Variants in NALF1 observed in about 807,000 individuals in gnomAD.
The protein encoded by NALF1 is NALCN channel auxiliary factor 1.
In NALF1, 3 loss-of-function variants were observed where a neutral mutation model predicts 48.4. That is an observed-to-expected ratio of 0.06 (90% CI 0.03 to 0.16). The LOEUF (loss-of-function observed/expected upper bound fraction) is 0.16. NALF1 is among the 10% of genes least tolerant of loss of function. NALF1 has a pLI of 1.00. For missense variants in NALF1, 526 were observed against 571.5 expected (o/e 0.92, Z 0.81); for synonymous variants, 262 against 245.7 (o/e 1.07, Z -0.62).
At chr13:107,514,517 C>G (rs1274544982) in intron 1 of NALF1, among the ~76,000 whole-genome samples, 1 of 151,788 alleles carries the variant, frequency 6.6e-6, no homozygotes, top group Admixed American at 6.6e-5. Context: ...TTGAATGGGC[C>G]CAGGTTTGAA....
intron 1 of NALF1, among the ~76,000 whole-genome samples, chr13:107,276,838 A>G (rs1294682570): frequency 1.3e-5 from 2 of 152,180 alleles, no homozygotes; most frequent in Non-Finnish European, 2.9e-5. Flanking sequence ...TTGGAAAGCC[A>G]TATTTTTAAC....
chr13:107,599,421 C>CA (rs59715915), intron 1 of NALF1, among the ~76,000 whole-genome samples: 55,807 of 121,480 alleles, frequency 0.46, 11,996 homozygotes, highest in Admixed American at 0.5. Flanking sequence ...GACTCCGTCT[C>CA]AAAAAAAAAA....
rs551764635 is a variant in NALF1 at position 107,806,358 on chromosome 13, C to A, written c.915+59324G>T. ...TAAAAGACGGAAATGTTAAAACATT[C>A]TAGATCAAATTAAAGAAATTACATC... On this transcript the variant is annotated intron_variant, in intron 1 of 2. Coordinates refer to ENST00000375915, the MANE Select transcript of NALF1 (RefSeq NM_001080396.3). Among the ~76,000 whole-genome samples, 3 of 152,068 alleles carry A rather than the reference C, an allele frequency of 2.0e-5. No homozygotes were observed. In the South Asian group the frequency reaches 6.2e-4, roughly 32 times the overall value.
intron 1 of NALF1, among the ~76,000 whole-genome samples, chr13:107,215,332 C>T (rs1879850128): frequency 6.6e-6 from 1 of 152,240 alleles, no homozygotes; most frequent in African/African-American, 2.4e-5. Flanking sequence ...TGAGCCCCCA[C>T]CCTCTACCTC....
At chr13:107,192,569 C>T (rs1879305563) in intron 2 of NALF1, among the ~76,000 whole-genome samples, 1 of 152,168 alleles carries the variant, frequency 6.6e-6, no homozygotes, top group African/African-American at 2.4e-5. Context: ...AACAAGCTAG[C>T]TAGCTAACTT....
intron 1 of NALF1, among the ~76,000 whole-genome samples, chr13:107,836,166 A>AT (rs1472058502): frequency 6.6e-6 from 1 of 151,836 alleles, no homozygotes; most frequent in Non-Finnish European, 1.5e-5. Context: ...AATTTTTGTA[A>AT]TTTTTGTAGA....
intron 1 of NALF1, among the ~76,000 whole-genome samples, chr13:107,405,932 T>TCAATA (rs1305711928): frequency 6.6e-6 from 1 of 152,070 alleles, no homozygotes; most frequent in Non-Finnish European, 1.5e-5. Flanking sequence ...TATAATTACC[T>TCAATA]CAATACTTCT....
chr13:107,578,107 G>T (rs906191154), intron 1 of NALF1, among the ~76,000 whole-genome samples: 5 of 152,090 alleles, frequency 3.3e-5, no homozygotes, highest in Non-Finnish European at 7.3e-5. Context: ...TTTACTCATT[G>T]TGTATCCAAT....
intron 1 of NALF1, among the ~76,000 whole-genome samples, chr13:107,286,592 A>AG (rs1490368846): frequency 6.7e-6 from 1 of 148,518 alleles, no homozygotes; most frequent in Non-Finnish European, 1.5e-5. Flanking sequence ...GTCTCAAAAA[A>AG]AAAAAAAAAA....
intron 1 of NALF1, among the ~76,000 whole-genome samples, chr13:107,366,200 G>A (rs1009883903): frequency 2.0e-5 from 3 of 152,114 alleles, no homozygotes; most frequent in African/African-American, 7.2e-5. Context: ...GGGACTGATG[G>A]TTTCTGTGAA....
intron 1 of NALF1, among the ~76,000 whole-genome samples, chr13:107,233,057 C>T (rs182894635): frequency 6.6e-6 from 1 of 152,208 alleles, no homozygotes; most frequent in Non-Finnish European, 1.5e-5. Context: ...TACTGCTTCT[C>T]TTTCTGGGAA....
intron 1 of NALF1, among the ~76,000 whole-genome samples, chr13:107,589,934 C>T (rs1357513190): frequency 1.3e-5 from 2 of 151,990 alleles, no homozygotes; most frequent in East Asian, 3.9e-4. Context: ...CTGGTAGCTA[C>T]TAGGCACTTC....
In NALF1 at chr13:107,224,030, A is replaced by C. The variant is rs540181121; in HGVS notation, c.916-13275T>G. On this transcript the variant is annotated intron_variant, in intron 1 of 2. Coordinates refer to ENST00000375915, the MANE Select transcript of NALF1 (RefSeq NM_001080396.3). The stretch of plus-strand genomic sequence containing the variant: ...TATTGTTTAATTGATTAATTAATTA[A>C]TTATTGATTATCAGTTGATTATTGA... 5.3e-5 allele frequency among the ~76,000 whole-genome samples: 8 copies of C among 152,192 alleles called. No individual in the cohort carries two copies. In the South Asian group the frequency reaches 1.7e-3, roughly 32 times the overall value.
chr13:107,349,739 C>CAAA (rs35813555), intron 1 of NALF1, among the ~76,000 whole-genome samples: 5,500 of 99,036 alleles, frequency 0.056, 155 homozygotes, highest in Middle Eastern at 0.098. Context: ...GAATACGTCT[C>CAAA]AAAAAAAAAA....
intron 1 of NALF1, among the ~76,000 whole-genome samples, chr13:107,347,935 G>A (rs911320321): frequency 1.3e-5 from 2 of 152,130 alleles, no homozygotes; most frequent in African/African-American, 2.4e-5. Flanking sequence ...GCGACTCTAC[G>A]CCAGCCTGGA....
rs1026340181 is a variant in NALF1, at chr13:107,705,293, A to G, written c.915+160389T>C. Among the ~76,000 whole-genome samples, 18 of 152,216 alleles carry G rather than the reference A, an allele frequency of 1.2e-4. 1 individual carries two copies. Among genetic ancestry groups the G allele is most frequent in the Admixed American group, 7.2e-4 (11 of 15,280 alleles). ...TGCAGTACAGATGTGCTTTGCCACA[A>G]TGAATTCTCAGTGCAGGATGCAGTC... On this transcript the variant is annotated intron_variant, in intron 1 of 2. Coordinates refer to ENST00000375915, the MANE Select transcript of NALF1 (RefSeq NM_001080396.3).
intron 1 of NALF1, among the ~76,000 whole-genome samples, chr13:107,815,829 TA>T (rs1403899504): frequency 2.6e-5 from 4 of 152,210 alleles, no homozygotes; most frequent in Admixed American, 2.6e-4. Flanking sequence ...AACACTGATA[TA>T]TACTATAACA....
chr13:107,762,583 G>A (rs1269346101), intron 1 of NALF1, among the ~76,000 whole-genome samples: 2 of 152,122 alleles, frequency 1.3e-5, no homozygotes, highest in South Asian at 2.1e-4. Flanking sequence ...CGGAAGGCAG[G>A]TTTTGAAATG....
intron 1 of NALF1, among the ~76,000 whole-genome samples, chr13:107,428,339 A>G (rs1428950539): frequency 1.3e-5 from 2 of 152,206 alleles, no homozygotes; most frequent in East Asian, 3.9e-4. Context: ...CTTAACCAGG[A>G]CTGGAAGACT....
Sources: gnomAD v4.1 joint callset for allele counts (sites outside exome capture counted in the v4.1 genomes callset) on GRCh38, gnomAD v4.1.1 for gene constraint, MANE v1.5 for transcripts, NCBI Gene and HGNC (gene_info 2026-07-23, HGNC 2026-07-21) for gene names.